XKR4: variants seen among roughly 807,000 people sequenced by gnomAD.
XKR4 encodes XK related 4.
XKR4 carries 12 observed loss-of-function variants against 53.9 expected under a neutral mutation model. The ratio of observed to expected loss-of-function variants is 0.22; its 90% CI spans 0.14 to 0.36. The LOEUF (loss-of-function observed/expected upper bound fraction) is 0.36, where lower values mean the gene tolerates loss of function less well. Ranked by LOEUF, XKR4 falls within the 10% of genes least tolerant of loss-of-function variation. The probability of loss-of-function intolerance (pLI) is 1.00; values close to 1 mark genes in which losing one functional copy is unlikely to be tolerated. For missense variants in XKR4, 799 were observed against 859.5 expected, an observed-to-expected ratio of 0.93 and a Z score of 0.88; for synonymous variants, 354 against 362.4, an observed-to-expected ratio of 0.98 and a Z score of 0.26.
chr8:55,491,014 G>A (rs1249796840), intron 2 of XKR4, among the ~76,000 whole-genome samples: 2 of 151,860 alleles, frequency 1.3e-5, no homozygotes, highest in African/African-American at 2.4e-5. Context: ...GGCTCAGATG[G>A]GTTTTTCCAG....
intron 2 of XKR4, among the ~76,000 whole-genome samples, chr8:55,442,421 A>T (rs1732770629): frequency 6.6e-6 from 1 of 152,218 alleles, no homozygotes; most frequent in Non-Finnish European, 1.5e-5. Flanking sequence ...AAACAGTTTG[A>T]AACACAGTTC....
intron 2 of XKR4, among the ~76,000 whole-genome samples, chr8:55,361,302 A>G (rs1803903162): frequency 6.6e-6 from 1 of 152,090 alleles, no homozygotes; most frequent in South Asian, 2.1e-4. Context: ...AGAGGAGGGC[A>G]GGCAGGAAGG....
At chr8:55,503,154 G>T (rs753221525) in intron 2 of XKR4, among the ~76,000 whole-genome samples, 16 of 151,808 alleles carry the variant, frequency 1.1e-4, no homozygotes, top group Non-Finnish European at 1.9e-4. Context: ...TTTTTTTCAA[G>T]ATTATTTTTG....
intron 1 of XKR4, among the ~76,000 whole-genome samples, chr8:55,103,704 G>A (rs956319988): frequency 6.6e-6 from 1 of 151,358 alleles, no homozygotes; most frequent in Admixed American, 6.6e-5. Flanking sequence ...GTTGCCATTT[G>A]GATGGTTTCT....
At chr8:55,416,047 T>C (rs1274333834) in intron 2 of XKR4, among the ~76,000 whole-genome samples, 1 of 152,050 alleles carries the variant, frequency 6.6e-6, no homozygotes. Flanking sequence ...CTAAGCAATA[T>C]GAGGTCATAT....
Position 55,523,822 on chromosome 8 carries a change from T to C in XKR4, c.1548T>C (p.Asn516=). Residue 516 remains asparagine, a synonymous_variant, in exon 3 of 3, where the codon AAT becomes AAC. Coordinates refer to ENST00000327381, the MANE Select transcript of XKR4 (RefSeq NM_052898.2). The part of the protein sequence containing the change: ...MLMYYAFFHP[N]GPRFGQSPSC... ...TGTATTATGCCTTCTTTCATCCCAA[T>C]GGACCCAGATTCGGGCAGTCACCAA... is the stretch of plus-strand genomic sequence containing the variant. 6.2e-7 allele frequency: 1 copy of C among 1,614,188 alleles called. No homozygotes were observed. The highest frequency in any genetic ancestry group is 8.5e-7 in the Non-Finnish European group (1 of 1,180,026).
chr8:55,475,410 T>C (rs1347052159), intron 2 of XKR4, among the ~76,000 whole-genome samples: 1 of 151,728 alleles, frequency 6.6e-6, no homozygotes, highest in African/African-American at 2.4e-5. Context: ...GTTGTTGTTG[T>C]TGTTGTTAGG....
chr8:55,522,131 C>T (rs1806806042), intron 2 of XKR4, among the ~76,000 whole-genome samples: 2 of 152,128 alleles, frequency 1.3e-5, no homozygotes, highest in Non-Finnish European at 2.9e-5. Context: ...TTAGGTGAGC[C>T]CTGGCCACAT....
At chr8:55,289,195 A>G (rs1212261451) in intron 1 of XKR4, among the ~76,000 whole-genome samples, 1 of 152,140 alleles carries the variant, frequency 6.6e-6, no homozygotes, top group African/African-American at 2.4e-5. Context: ...TGGCTAGGTT[A>G]AATGGAAGTT....
At chr8:55,385,871 G>A (rs567584385) in intron 2 of XKR4, among the ~76,000 whole-genome samples, 1 of 152,142 alleles carries the variant, frequency 6.6e-6, no homozygotes, top group South Asian at 2.1e-4. Context: ...AAAAAGAACT[G>A]GCAATTAAAG....
chr8:55,192,267 C>T (rs989097630), intron 1 of XKR4, among the ~76,000 whole-genome samples: 6 of 146,362 alleles, frequency 4.1e-5, no homozygotes, highest in African/African-American at 1.3e-4. Context: ...CTAGCCATTC[C>T]ACAAACCATT....
At chr8:55,253,381 G>A (rs147186745) in intron 1 of XKR4, among the ~76,000 whole-genome samples, 37 of 152,304 alleles carry the variant, frequency 2.4e-4, no homozygotes, top group African/African-American at 8.9e-4. Context: ...TAGATGGCAG[G>A]GAAGCCACAC....
At chr8:55,105,602 G>A (rs1816132162) in intron 1 of XKR4, among the ~76,000 whole-genome samples, 1 of 152,130 alleles carries the variant, frequency 6.6e-6, no homozygotes, top group African/African-American at 2.4e-5. Context: ...GGAAATATTT[G>A]TCAACATTTT....
At chr8:55,478,135 A>C (rs1806030639) in intron 2 of XKR4, among the ~76,000 whole-genome samples, 1 of 152,128 alleles carries the variant, frequency 6.6e-6, no homozygotes, top group Non-Finnish European at 1.5e-5. Flanking sequence ...AAAAAATGTT[A>C]AGGGCAGCCA....
At chr8:55,253,141 G>A (rs1818383746) in intron 1 of XKR4, among the ~76,000 whole-genome samples, 2 of 152,104 alleles carry the variant, frequency 1.3e-5, no homozygotes, top group Admixed American at 6.5e-5. Context: ...AAACTGTTTT[G>A]AAAATGGAGC....
In XKR4 at chr8:55,278,909, C is replaced by T. The variant is rs567691428; in HGVS notation, c.807-78769C>T. ...TTGAGATACTATGCTAACTCATGCG[C>T]ACCTCAGGGAACCACAGATTGCAAC... On this transcript the variant is annotated intron_variant, in intron 1 of 2. Transcript: ENST00000327381. 2.0e-5 allele frequency among the ~76,000 whole-genome samples: 3 copies of T among 152,232 alleles called. No homozygotes were observed. In the East Asian group the frequency reaches 5.8e-4, roughly 29 times the overall value.
intron 1 of XKR4, among the ~76,000 whole-genome samples, chr8:55,301,031 C>T (rs11997519): frequency 0.12 from 18,287 of 151,774 alleles, 1,789 homozygotes; most frequent in African/African-American, 0.26. Context: ...TTTTAGGGTA[C>T]ATGTGCACAA....
At chr8:55,179,377 T>G (rs1817278384) in intron 1 of XKR4, among the ~76,000 whole-genome samples, 1 of 152,160 alleles carries the variant, frequency 6.6e-6, no homozygotes. Context: ...CAAAATTTCT[T>G]TCAGTTCTAA....
intron 2 of XKR4, among the ~76,000 whole-genome samples, chr8:55,477,115 C>T (rs1014429453): frequency 2.0e-5 from 3 of 151,858 alleles, no homozygotes; most frequent in East Asian, 3.9e-4. Flanking sequence ...TCCCTGACCC[C>T]GAGCAGCCTA....
Sources: allele counts gnomAD v4.1 joint callset (sites outside exome capture counted in the v4.1 genomes callset), GRCh38; gene constraint gnomAD v4.1.1; transcripts MANE v1.5; gene names NCBI Gene and HGNC (gene_info 2026-07-23, HGNC 2026-07-21).